CNTN4: variants seen among roughly 807,000 people sequenced by gnomAD.
The protein encoded by CNTN4 is contactin-4.
In CNTN4, 77 loss-of-function variants were observed where a neutral mutation model predicts 122.5. That is an observed-to-expected ratio of 0.63 (90% CI 0.52 to 0.76). The LOEUF is 0.76. Among genes scored for constraint, CNTN4 ranks in the 30% least tolerant of loss-of-function variants. The pLI is 0.00. For missense variants in CNTN4, 1,256 were observed against 1,259.1 expected (o/e 1.00, Z 0.04); for synonymous variants, 512 against 447.0 (o/e 1.15, Z -1.83).
At chr3:2,459,520 A>T (rs1389855374) in intron 3 of CNTN4, among the ~76,000 whole-genome samples, 1 of 152,122 alleles carries the variant, frequency 6.6e-6, no homozygotes, top group Non-Finnish European at 1.5e-5. Flanking sequence ...CATGTATGGT[A>T]TTTCAAATTA....
chr3:2,353,231 TGTAAA>T (rs1559479186), intron 3 of CNTN4, among the ~76,000 whole-genome samples: 1 of 152,140 alleles, frequency 6.6e-6, no homozygotes, highest in Non-Finnish European at 1.5e-5. Flanking sequence ...GCTAGAGGAC[TGTAAA>T]TGCACCAATC....
intron 2 of CNTN4, among the ~76,000 whole-genome samples, chr3:2,326,520 A>T (rs1343874535): frequency 5.6e-5 from 3 of 53,506 alleles, no homozygotes; most frequent in African/African-American, 8.9e-5. Context: ...ACACACACAC[A>T]CACACACAAT....
intron 3 of CNTN4, among the ~76,000 whole-genome samples, chr3:2,538,062 A>C (rs971790537): frequency 3.3e-5 from 5 of 152,142 alleles, no homozygotes; most frequent in African/African-American, 1.2e-4. Context: ...TTAAGGTGAT[A>C]TCATATAGAA....
At chr3:2,782,465 CTGTG>C (rs137927481) in intron 6 of CNTN4, among the ~76,000 whole-genome samples, 19,066 of 133,026 alleles carry the variant, frequency 0.14, 1,333 homozygotes, top group African/African-American at 0.17. Context: ...CCTTCTTATT[CTGTG>C]TGTGTGTGTG....
intron 2 of CNTN4, among the ~76,000 whole-genome samples, chr3:2,191,879 CT>C (rs1467258454): frequency 2.0e-5 from 3 of 152,126 alleles, no homozygotes; most frequent in East Asian, 3.9e-4. Context: ...TGCCTCCCCC[CT>C]CCCCCCACTC....
chr3:2,598,409 A>T (rs574034966), intron 4 of CNTN4, among the ~76,000 whole-genome samples: 8 of 152,288 alleles, frequency 5.3e-5, no homozygotes, highest in Admixed American at 2.0e-4. Context: ...GAGGGAAAAA[A>T]TCAAAGCAAA....
At chr3:2,919,888 G>A (rs982364303) in intron 12 of CNTN4, among the ~76,000 whole-genome samples, 11 of 151,976 alleles carry the variant, frequency 7.2e-5, no homozygotes, top group African/African-American at 2.4e-4. Flanking sequence ...AAGAAATAAT[G>A]TTCTAAAATG....
rs534417466 is a variant in CNTN4, at chr3:2,658,919, A to AT, written c.56-77289dup. The stretch of plus-strand genomic sequence containing the variant: ...TCCATAAGAATAAATACCTACTTGC[A>AT]TTTTTTTATGTGGACATGCAAATAA... On this transcript the variant is annotated intron_variant, in intron 4 of 24. Coordinates refer to ENST00000418658, the MANE Select transcript of CNTN4 (RefSeq NM_175607.3). Among the ~76,000 whole-genome samples the AT allele has an allele frequency of 7.8e-4, 118 of 151,148 alleles. No homozygotes were observed. In the South Asian group the frequency reaches 0.016, roughly 20 times the overall value.
At chr3:2,584,246 T>C (rs1466519562) in intron 4 of CNTN4, among the ~76,000 whole-genome samples, 2 of 152,016 alleles carry the variant, frequency 1.3e-5, no homozygotes, top group African/African-American at 4.8e-5. Flanking sequence ...CTAACTTGCA[T>C]AGTAGGAATA....
chr3:2,585,509 A>G (rs975381273), intron 4 of CNTN4, among the ~76,000 whole-genome samples: 1 of 152,178 alleles, frequency 6.6e-6, no homozygotes, highest in African/African-American at 2.4e-5. Context: ...CTATGCAGCC[A>G]TAAAAAATGA....
intron 3 of CNTN4, among the ~76,000 whole-genome samples, chr3:2,473,222 A>G (rs1342633831): frequency 2.0e-5 from 2 of 100,516 alleles, no homozygotes; most frequent in Non-Finnish European, 3.9e-5. Context: ...CAAGAGCAAA[A>G]CTCCATCTCA....
intron 3 of CNTN4, among the ~76,000 whole-genome samples, chr3:2,525,935 C>T (rs2077383132): frequency 6.6e-6 from 1 of 152,126 alleles, no homozygotes; most frequent in South Asian, 2.1e-4. Flanking sequence ...ATACCTCCAC[C>T]CCCATTGCTA....
intron 6 of CNTN4, among the ~76,000 whole-genome samples, chr3:2,778,076 T>A (rs941034569): frequency 6.8e-6 from 1 of 147,050 alleles, no homozygotes; most frequent in East Asian, 2.1e-4. Flanking sequence ...TAGCCGGGCG[T>A]GGTGGCGGGC....
chr3:2,191,492 A>G (rs1575045368), intron 2 of CNTN4, among the ~76,000 whole-genome samples: 1 of 151,760 alleles, frequency 6.6e-6, no homozygotes. Flanking sequence ...TTGACCAGAG[A>G]CCTCTCAAAC....
intron 2 of CNTN4, among the ~76,000 whole-genome samples, chr3:2,112,126 T>C (rs752115250): frequency 1.3e-5 from 2 of 152,216 alleles, no homozygotes; most frequent in Non-Finnish European, 2.9e-5. Flanking sequence ...TTTGGAGAAA[T>C]GGTTTTGGCT....
intron 4 of CNTN4, among the ~76,000 whole-genome samples, chr3:2,603,671 A>G (rs1381317371): frequency 6.6e-6 from 1 of 152,350 alleles, no homozygotes; most frequent in South Asian, 2.1e-4. Flanking sequence ...TGAAGTGCAT[A>G]TGAGAGCTCC....
rs1486174279 is a variant in CNTN4, at chr3:3,034,690, G to A, written c.1842G>A (p.Gln614=). ...TIDEITDTTA[Q]LSWRPGPDNH... ...ACGAAATCACAGATACCACTGCTCA[G>A]CTCTCCTGGAGACCCGGGCCTGACA... Residue 614 remains glutamine (Q), a synonymous_variant, in exon 17 of 25, where the codon CAG becomes CAA. Coordinates refer to ENST00000418658, the MANE Select transcript of CNTN4 (RefSeq NM_175607.3). 6.2e-7 allele frequency: 1 copy of A among 1,614,070 alleles called. No individual in the cohort carries two copies. The highest frequency in any genetic ancestry group is 1.1e-5 in the South Asian group (1 of 91,062).
At chr3:2,489,664 A>C (rs975690481) in intron 3 of CNTN4, among the ~76,000 whole-genome samples, 1 of 152,224 alleles carries the variant, frequency 6.6e-6, no homozygotes, top group African/African-American at 2.4e-5. Flanking sequence ...TCTGTCACTC[A>C]TAGAAATGCC....
At chr3:2,454,787 T>G (rs942194475) in intron 3 of CNTN4, among the ~76,000 whole-genome samples, 9 of 151,958 alleles carry the variant, frequency 5.9e-5, no homozygotes, top group Non-Finnish European at 1.2e-4. Context: ...TCAGTAAGTA[T>G]TTCATGATTG....
Sources: allele counts gnomAD v4.1 joint callset (sites outside exome capture counted in the v4.1 genomes callset), GRCh38; gene constraint gnomAD v4.1.1; transcripts MANE v1.5; gene names NCBI Gene and HGNC (gene_info 2026-07-23, HGNC 2026-07-21).